Variants in TRAPPC13 observed in about 807,000 individuals in gnomAD.
The protein encoded by TRAPPC13 is REV7-interacting novel NHEJ regulator 1.
Under a neutral mutation model 54.0 loss-of-function variants are expected in TRAPPC13, and 39 were observed. That is an observed-to-expected ratio of 0.72 (90% CI 0.56 to 0.94). TRAPPC13 has a LOEUF of 0.94. TRAPPC13 is among the 40% of genes least tolerant of loss of function. The pLI is 0.00. For missense variants in TRAPPC13, 386 were observed against 488.1 expected, an observed-to-expected ratio of 0.79 and a Z score of 1.97; for synonymous variants, 148 against 167.7, an observed-to-expected ratio of 0.88 and a Z score of 0.91.
chr5:65,637,562 C>T (rs934078118), intron 3 of TRAPPC13, 134 bp from the exon 4 acceptor site: 19 of 448,922 alleles, frequency 4.2e-5, no homozygotes, highest in African/African-American at 1.5e-4. Flanking sequence ...ACATGGGAGG[C>T]GGAGTTTGCA....
In TRAPPC13 at chr5:65,665,248, A is replaced by G. The variant is rs1448440344; in HGVS notation, c.*637A>G. 6.6e-6 allele frequency: 1 copy of G among 152,228 alleles called. No homozygotes were observed. Among genetic ancestry groups the G allele is most frequent in the Non-Finnish European group, 1.5e-5 (1 of 68,036 alleles). The allele number at this position is 152,228 out of a possible 1,614,324, so 9.4% of individuals were successfully genotyped here. A position where few individuals can be genotyped will look rare whatever the true frequency, so the allele number is the denominator to read the frequency against. On this transcript the variant is annotated 3_prime_UTR_variant, in exon 13 of 13. Transcript: ENST00000399438. ...CTGCAGGGTATAGTTGGCTGACCTC[A>G]ATCTAGAAGATAGAGTTGTTTCTTA...
At chr5:65,657,253 G>A (rs7700843) in intron 8 of TRAPPC13, among the ~76,000 whole-genome samples, 3,125 of 144,154 alleles carry the variant, frequency 0.022, 55 homozygotes, top group African/African-American at 0.057. Context: ...ATGATATTGC[G>A]CGCCTATAAT....
chr5:65,660,926 T>C (rs768053752), intron 10 of TRAPPC13, 29 bp downstream of exon 10: 1 of 1,573,744 alleles, frequency 6.4e-7, no homozygotes, highest in Admixed American at 1.8e-5. Flanking sequence ...TCGCTGGGGT[T>C]TTGGTGTGTG....
chr5:65,659,973 A>G (rs2150692057), intron 9 of TRAPPC13, among the ~76,000 whole-genome samples: 1 of 137,060 alleles, frequency 7.3e-6, no homozygotes, highest in South Asian at 2.1e-4. Context: ...TAAACAAAAA[A>G]AAAAAAAAAA....
chr5:65,630,336 T>C (rs1755480508), intron 1 of TRAPPC13: 6 of 1,500,078 alleles, frequency 4.0e-6, no homozygotes, highest in Non-Finnish European at 5.3e-6. Context: ...ATTTTTAGTA[T>C]GTAATGAATT....
intron 1 of TRAPPC13, chr5:65,629,536 G>A (rs928922447): frequency 3.4e-6 from 5 of 1,469,522 alleles, no homozygotes; most frequent in South Asian, 1.4e-5. Context: ...TAGCTCTGAG[G>A]AGTTCAACTA....
intron 11 of TRAPPC13, chr5:65,662,352 T>C (rs1003812421): frequency 2.5e-6 from 1 of 404,152 alleles, no homozygotes; most frequent in Admixed American, 4.6e-5. Context: ...TTATGCATCT[T>C]CTGTATTTTA....
At chr5:65,656,676 G>T (rs914974983) in intron 8 of TRAPPC13, among the ~76,000 whole-genome samples, 2 of 152,084 alleles carry the variant, frequency 1.3e-5, no homozygotes, top group African/African-American at 4.8e-5. Context: ...GGGAGGCCGA[G>T]GCGAGCGGAT....
At chr5:65,645,113 G>A (rs978249075) in intron 4 of TRAPPC13, among the ~76,000 whole-genome samples, 10 of 146,182 alleles carry the variant, frequency 6.8e-5, no homozygotes. Context: ...CAGGAGAATC[G>A]CCTGAACCTG....
intron 5 of TRAPPC13, among the ~76,000 whole-genome samples, chr5:65,647,568 C>G (rs1340989246): frequency 6.6e-6 from 1 of 151,984 alleles, no homozygotes; most frequent in Non-Finnish European, 1.5e-5. Flanking sequence ...TATATGCACT[C>G]TGTCCTGAGA....
Position 65,637,766 on chromosome 5 carries a change from G to A in TRAPPC13, c.286G>A (p.Asp96Asn), listed in dbSNP as rs1755806629. The change falls in exon 4 of 13, where the codon GAC becomes AAC. Residue 96 changes from aspartate (D) to asparagine (N), a missense_variant. By Grantham distance (23) the Asp-to-Asn change is conservative. Coordinates refer to ENST00000399438, the MANE Select transcript of TRAPPC13 (RefSeq NM_024941.4). ...VHNDSNQVVK[D>N]ILVKADLQTS... ...TAATGATAGCAATCAAGTTGTAAAA[G>A]ACATATTAGTAAAAGTAAGTAACAT... is the stretch of plus-strand genomic sequence containing the variant. The A allele has an allele frequency of 6.4e-7, 1 of 1,563,712 alleles. No individual in the cohort carries two copies. Among genetic ancestry groups the A allele is most frequent in the Admixed American group, 1.9e-5 (1 of 52,448 alleles).
intron 9 of TRAPPC13, 142 bp from the exon 10 acceptor site, chr5:65,660,557 T>C: frequency 2.0e-6 from 1 of 507,264 alleles, no homozygotes; most frequent in Non-Finnish European, 3.3e-6. Context: ...TTTTTATTTG[T>C]ATTGAAATCG....
At position 65,665,416 on chromosome 5, in the gene TRAPPC13, A is replaced by T. The variant is rs1238028594; in HGVS notation, c.*805A>T. On this transcript the variant is annotated 3_prime_UTR_variant, in exon 13 of 13. Transcript: ENST00000399438. Reference sequence around the variant, plus strand: ...TTTGTCAACACAGTATAAGCTTTCTAGTTGTTTTCAAAATTACTGTAATGG... The same window carrying T: ...TTTGTCAACACAGTATAAGCTTTCTTGTTGTTTTCAAAATTACTGTAATGG... The T allele has an allele frequency of 6.6e-6, 1 of 152,112 alleles. No homozygotes were observed. Among genetic ancestry groups the T allele is most frequent in the Non-Finnish European group, 1.5e-5 (1 of 68,016 alleles). 9.4% of individuals were successfully genotyped at this position (152,112 alleles called of 1,614,324 possible).
chr5:65,646,938 C>T (rs1445855441), intron 4 of TRAPPC13, 117 bp from the exon 5 acceptor site: 29 of 978,392 alleles, frequency 3.0e-5, no homozygotes, highest in South Asian at 2.9e-4. Flanking sequence ...TGTTGCTCCC[C>T]CTTTCATCCT....
In TRAPPC13 at chr5:65,664,687, G is replaced by T; in HGVS notation, c.*76G>T. 9.9e-7 allele frequency: 1 copy of T among 1,014,468 alleles called. No homozygotes were observed. The highest frequency in any genetic ancestry group is 1.5e-6 in the Non-Finnish European group (1 of 672,794). 62.8% of individuals were successfully genotyped at this position (1,014,468 alleles called of 1,614,324 possible). On this transcript the variant is annotated 3_prime_UTR_variant, in exon 13 of 13. Coordinates refer to ENST00000399438, the MANE Select transcript of TRAPPC13 (RefSeq NM_024941.4). ...TTTGTTACCTTTGTAAAATGATGAC[G>T]TCAACAACGAAGTAAATATGTTACT...
chr5:65,635,418 T>A (rs775095443), intron 2 of TRAPPC13, 49 bp downstream of exon 2: 5 of 1,469,542 alleles, frequency 3.4e-6, no homozygotes, highest in Non-Finnish European at 4.8e-6. Context: ...GGTTGAAACC[T>A]GAATTGCCTG....
intron 4 of TRAPPC13, among the ~76,000 whole-genome samples, chr5:65,639,062 T>C (rs1755869869): frequency 1.3e-5 from 2 of 152,144 alleles, no homozygotes; most frequent in Admixed American, 6.5e-5. Context: ...CCAGGCTGCC[T>C]GGGTGACAGA....
intron 11 of TRAPPC13, chr5:65,664,008 G>C: frequency 2.1e-6 from 1 of 472,774 alleles, no homozygotes; most frequent in Non-Finnish European, 3.7e-6. Context: ...CCAACATCCA[G>C]ACAGGCAGAT....
rs1414380392 is a variant in TRAPPC13 at position 65,665,539 on chromosome 5, TTTAA to T, written c.*933_*936del. The T allele has an allele frequency of 6.6e-6, 1 of 152,214 alleles. No individual in the cohort carries two copies. Among genetic ancestry groups the T allele is most frequent in the East Asian group, 1.9e-4 (1 of 5,196 alleles). The allele number at this position is 152,214 out of a possible 1,614,324, so 9.4% of individuals were successfully genotyped here. ...TTTACTTTTTAGGTTGTTGATTTTT[TTTAA>T]TTAACTATTAACTAAGAATAATACT... On this transcript the variant is annotated 3_prime_UTR_variant, in exon 13 of 13. Coordinates refer to ENST00000399438, the MANE Select transcript of TRAPPC13 (RefSeq NM_024941.4).
Sources: gnomAD v4.1 joint callset for allele counts (sites outside exome capture counted in the v4.1 genomes callset) on GRCh38, gnomAD v4.1.1 for gene constraint, MANE v1.5 for transcripts, NCBI Gene and HGNC (gene_info 2026-07-23, HGNC 2026-07-21) for gene names.